The following ARHGAP15 variants were observed in gnomAD, a reference collection of about 807,000 sequenced individuals.
ARHGAP15 encodes the protein Rho GTPase activating protein 15, also known as rho GTPase-activating protein 15.
In ARHGAP15, 51 loss-of-function variants were observed where a neutral mutation model predicts 63.7. The observed-to-expected ratio is 0.80, with a 90% CI of 0.64 to 1.01. ARHGAP15 has a LOEUF of 1.01. Ranked by LOEUF, ARHGAP15 falls within the 50% of genes least tolerant of loss-of-function variation. The pLI is 0.00. For synonymous variants in ARHGAP15, 191 were observed against 193.8 expected (o/e 0.99, Z 0.12); for missense variants, 560 against 564.6 (o/e 0.99, Z 0.08).
At chr2:143,387,771 C>T (rs557944614) in intron 6 of ARHGAP15, among the ~76,000 whole-genome samples, 76 of 152,094 alleles carry the variant, frequency 5.0e-4, no homozygotes, top group African/African-American at 1.8e-3. Context: ...TTCTTAACTG[C>T]TACTCCAGAA....
intron 11 of ARHGAP15, among the ~76,000 whole-genome samples, chr2:143,556,748 T>G (rs1273499186): frequency 1.3e-5 from 2 of 151,780 alleles, no homozygotes; most frequent in African/African-American, 4.8e-5. Flanking sequence ...GGGGAAAGAA[T>G]AGAAAAAGAG....
chr2:143,132,249 G>A (rs756841476), intron 1 of ARHGAP15, among the ~76,000 whole-genome samples: 26 of 152,154 alleles, frequency 1.7e-4, no homozygotes, highest in Admixed American at 3.9e-4. Context: ...GTTGGCAAAC[G>A]ATAGAAAATG....
At chr2:143,662,775 C>A (rs1317052914) in intron 12 of ARHGAP15, among the ~76,000 whole-genome samples, 11 of 103,724 alleles carry the variant, frequency 1.1e-4, no homozygotes, top group African/African-American at 1.7e-4. Flanking sequence ...AATGCAGAAG[C>A]CTCAGGAGCC....
chr2:143,257,524 T>C (rs13022541), intron 6 of ARHGAP15, among the ~76,000 whole-genome samples: 19,415 of 152,100 alleles, frequency 0.13, 1,365 homozygotes, highest in Middle Eastern at 0.24. Context: ...AGTTGTGCAG[T>C]TGGAATAAAT....
intron 13 of ARHGAP15, among the ~76,000 whole-genome samples, chr2:143,708,558 C>T (rs1684433641): frequency 6.6e-6 from 1 of 152,080 alleles, no homozygotes; most frequent in Non-Finnish European, 1.5e-5. Flanking sequence ...CATACCCAAT[C>T]CCCACTCTTT....
At chr2:143,215,970 T>C (rs909034711) in intron 3 of ARHGAP15, among the ~76,000 whole-genome samples, 1 of 152,222 alleles carries the variant, frequency 6.6e-6, no homozygotes, top group Non-Finnish European at 1.5e-5. Flanking sequence ...CCTGGTCCCA[T>C]TGAAGTCTTC....
At position 143,254,612 on chromosome 2, in the gene ARHGAP15, C is replaced by A. The variant is rs571129966; in HGVS notation, c.474+4012C>A. On this transcript the variant is annotated intron_variant, in intron 6 of 13. Transcript: ENST00000295095. ...TTCCCCAATGTCCAAGGAGATACCC[C>A]CTTATTAAATATGTGAGAGTCTCAG... Among the ~76,000 whole-genome samples the A allele has an allele frequency of 2.6e-5, 4 of 152,008 alleles. No homozygotes were observed. In the South Asian group the frequency reaches 8.3e-4, roughly 32 times the overall value.
chr2:143,382,785 A>G (rs2104945375), intron 6 of ARHGAP15, among the ~76,000 whole-genome samples: 1 of 152,266 alleles, frequency 6.6e-6, no homozygotes, highest in African/African-American at 2.4e-5. Flanking sequence ...CTTGTCTGCG[A>G]CTTTTCTGTG....
chr2:143,165,952 AAGAAAGAG>A lies in ARHGAP15; in HGVS notation c.165+10305_165+10312del, dbSNP rs1475654491. Among the ~76,000 whole-genome samples the A allele has an allele frequency of 1.7e-3, 229 of 133,046 alleles. 2 individuals are homozygous for A. Among genetic ancestry groups the A allele is most frequent in the African/African-American group, 5.9e-3 (202 of 34,408 alleles). The allele number at this position is 133,046 out of a possible 152,430, so 87.3% of individuals were successfully genotyped here. On this transcript the variant is annotated intron_variant, in intron 2 of 13. Coordinates refer to ENST00000295095, the MANE Select transcript of ARHGAP15 (RefSeq NM_018460.4). The stretch of plus-strand genomic sequence containing the variant: ...AAGAAAGAAAAGAAAAGAAGAAAGA[AAGAAAGAG>A]AGAAAGAAAGAAAGAAAGAAAGAAA...
intron 6 of ARHGAP15, among the ~76,000 whole-genome samples, chr2:143,402,904 A>G (rs1688045569): frequency 6.6e-6 from 1 of 151,820 alleles, no homozygotes; most frequent in African/African-American, 2.4e-5. Context: ...GGCTAAGGAC[A>G]TTTCTAGAGG....
intron 6 of ARHGAP15, among the ~76,000 whole-genome samples, chr2:143,390,691 C>T (rs916985952): frequency 6.6e-6 from 1 of 151,398 alleles, no homozygotes; most frequent in Non-Finnish European, 1.5e-5. Context: ...GCAGATCCCC[C>T]CACCGTGGAT....
At chr2:143,467,307 TG>T (rs1451458856) in intron 8 of ARHGAP15, among the ~76,000 whole-genome samples, 1 of 128,694 alleles carries the variant, frequency 7.8e-6, no homozygotes, top group Non-Finnish European at 1.6e-5. Flanking sequence ...GTCTCTGAAA[TG>T]AGTGTACAAT....
chr2:143,393,605 C>T (rs1307391002), intron 6 of ARHGAP15, among the ~76,000 whole-genome samples: 1 of 151,964 alleles, frequency 6.6e-6, no homozygotes, highest in African/African-American at 2.4e-5. Flanking sequence ...GTGCTGCGCA[C>T]CTGTATCCCA....
At chr2:143,379,858 C>G (rs949363564) in intron 6 of ARHGAP15, among the ~76,000 whole-genome samples, 1 of 151,814 alleles carries the variant, frequency 6.6e-6, no homozygotes, top group African/African-American at 2.4e-5. Flanking sequence ...TAAAGACGTT[C>G]TTACTCAACA....
intron 6 of ARHGAP15, among the ~76,000 whole-genome samples, chr2:143,316,879 G>A (rs1030782510): frequency 3.9e-5 from 6 of 152,054 alleles, no homozygotes; most frequent in Non-Finnish European, 7.4e-5. Flanking sequence ...TTTTCCAAAA[G>A]TAGTCAAGCT....
intron 5 of ARHGAP15, among the ~76,000 whole-genome samples, chr2:143,238,534 CA>C (rs1160026552): frequency 6.6e-6 from 1 of 151,882 alleles, no homozygotes; most frequent in Non-Finnish European, 1.5e-5. Flanking sequence ...ATTAAAAAGC[CA>C]AAAAACAACA....
At chr2:143,499,543 A>G (rs1429642739) in intron 9 of ARHGAP15, among the ~76,000 whole-genome samples, 1 of 152,218 alleles carries the variant, frequency 6.6e-6, no homozygotes, top group Non-Finnish European at 1.5e-5. Context: ...AAAAGTGCTC[A>G]GGAATATTCA....
chr2:143,279,412 G>T (rs1424581340), intron 6 of ARHGAP15, among the ~76,000 whole-genome samples: 1 of 152,098 alleles, frequency 6.6e-6, no homozygotes, highest in African/African-American at 2.4e-5. Flanking sequence ...GCTGGAATCT[G>T]GTTGCAATAT....
At chr2:143,152,973 G>A (rs1443346961) in intron 1 of ARHGAP15, among the ~76,000 whole-genome samples, 1 of 151,978 alleles carries the variant, frequency 6.6e-6, no homozygotes, top group Non-Finnish European at 1.5e-5. Flanking sequence ...ATTTTCTGCA[G>A]CTTGTCCCCA....
Sources: allele counts gnomAD v4.1 joint callset (sites outside exome capture counted in the v4.1 genomes callset), GRCh38; gene constraint gnomAD v4.1.1; transcripts MANE v1.5; gene names NCBI Gene and HGNC (gene_info 2026-07-23, HGNC 2026-07-21).